TRABD2B: variants seen among roughly 807,000 people sequenced by gnomAD.
The protein encoded by TRABD2B is metalloprotease TIKI2.
TRABD2B carries 14 observed loss-of-function variants against 40.1 expected under a neutral mutation model. That is an observed-to-expected ratio of 0.35 (90% CI 0.23 to 0.55). The LOEUF (loss-of-function observed/expected upper bound fraction) is 0.55, where lower values mean the gene tolerates loss of function less well. Among genes scored for constraint, TRABD2B ranks in the 20% least tolerant of loss-of-function variants. TRABD2B has a pLI of 0.90. For missense variants in TRABD2B, 541 were observed against 648.6 expected (o/e 0.83, Z 1.80); for synonymous variants, 263 against 277.0 (o/e 0.95, Z 0.50).
At chr1:47,878,325 A>C (rs902901601) in intron 2 of TRABD2B, among the ~76,000 whole-genome samples, 4 of 152,132 alleles carry the variant, frequency 2.6e-5, no homozygotes, top group East Asian at 1.9e-4. Flanking sequence ...TGCACCCCCC[A>C]AAAAAAGAAC....
chr1:47,947,273 T>C (rs1395150279), intron 2 of TRABD2B, among the ~76,000 whole-genome samples: 2 of 152,202 alleles, frequency 1.3e-5, no homozygotes, highest in Non-Finnish European at 2.9e-5. Context: ...CTTGTCACTG[T>C]TAATCACTGC....
At chr1:47,945,024 C>T (rs1264452169) in intron 2 of TRABD2B, among the ~76,000 whole-genome samples, 1 of 139,558 alleles carries the variant, frequency 7.2e-6, no homozygotes, top group East Asian at 2.5e-4. Context: ...GATTCTGGAG[C>T]TTAGGAAGGG....
intron 2 of TRABD2B, among the ~76,000 whole-genome samples, chr1:47,940,441 A>G (rs1350012856): frequency 3.3e-5 from 5 of 152,180 alleles, no homozygotes; most frequent in African/African-American, 1.2e-4. Context: ...AATACTTGAG[A>G]AAACTGAGGC....
chr1:47,831,119 G>T (rs1441351894), intron 2 of TRABD2B, among the ~76,000 whole-genome samples: 11 of 152,154 alleles, frequency 7.2e-5, no homozygotes, highest in Admixed American at 7.2e-4. Context: ...ACGTGTGCTG[G>T]TCTCCTATCC....
At chr1:47,906,902 G>A (rs914788677) in intron 2 of TRABD2B, among the ~76,000 whole-genome samples, 1 of 152,198 alleles carries the variant, frequency 6.6e-6, no homozygotes, top group Non-Finnish European at 1.5e-5. Flanking sequence ...TTGTGCTGTC[G>A]GTCCCCCTCC....
At chr1:47,793,756 A>G (rs1344423635) in intron 4 of TRABD2B, among the ~76,000 whole-genome samples, 1 of 152,232 alleles carries the variant, frequency 6.6e-6, no homozygotes, top group Non-Finnish European at 1.5e-5. Flanking sequence ...GTGTAAACAT[A>G]GTGTTACTGG....
At chr1:47,848,974 C>T (rs1645510249) in intron 2 of TRABD2B, among the ~76,000 whole-genome samples, 1 of 152,192 alleles carries the variant, frequency 6.6e-6, no homozygotes, top group African/African-American at 2.4e-5. Flanking sequence ...CATCGGCAAC[C>T]CTTCCTGTCT....
intron 2 of TRABD2B, among the ~76,000 whole-genome samples, chr1:47,868,784 G>A (rs563224340): frequency 2.0e-4 from 31 of 152,270 alleles, no homozygotes; most frequent in African/African-American, 7.2e-4. Context: ...CAGACTAGGG[G>A]GACATCACTC....
intron 2 of TRABD2B, among the ~76,000 whole-genome samples, chr1:47,984,496 C>A (rs1645890141): frequency 6.6e-6 from 1 of 152,254 alleles, no homozygotes; most frequent in Non-Finnish European, 1.5e-5. Flanking sequence ...GTCATGCAAG[C>A]CTCCCGGGGG....
chr1:47,941,334 AC>A (rs1370020535), intron 2 of TRABD2B, among the ~76,000 whole-genome samples: 9 of 152,040 alleles, frequency 5.9e-5, no homozygotes, highest in Non-Finnish European at 8.8e-5. Context: ...ATGTACACAC[AC>A]CCATGCACAC....
chr1:47,956,040 A>T (rs1024356857), intron 2 of TRABD2B, among the ~76,000 whole-genome samples: 1 of 152,208 alleles, frequency 6.6e-6, no homozygotes, highest in Non-Finnish European at 1.5e-5. Flanking sequence ...GCTATTTGCT[A>T]AACTTGCTGC....
chr1:47,904,527 T>C (rs1223153063), intron 2 of TRABD2B, among the ~76,000 whole-genome samples: 1 of 152,156 alleles, frequency 6.6e-6, no homozygotes, highest in Non-Finnish European at 1.5e-5. Context: ...GGAGAAATCA[T>C]GACTGCTAAA....
rs1266142388 is a variant in TRABD2B, at chr1:47,813,811, TTCTC to T, written c.667-12196_667-12193del. On this transcript the variant is annotated intron_variant, in intron 2 of 6. Transcript: ENST00000606738. This position sits in a 1 kb window ranked among gnomAD's most constrained non-coding sequence, Gnocchi z 4.3. ...TCTGCATATGTGGATGAGATTTCCG[TTCTC>T]TCTTCAGTCTTCAGTATGGACTAGT... Among the ~76,000 whole-genome samples the T allele has an allele frequency of 2.0e-5, 3 of 152,198 alleles. No homozygotes were observed. Among genetic ancestry groups the T allele is most frequent in the Non-Finnish European group, 4.4e-5 (3 of 68,030 alleles).
At chr1:47,848,637 C>T (rs1645504654) in intron 2 of TRABD2B, among the ~76,000 whole-genome samples, 1 of 152,156 alleles carries the variant, frequency 6.6e-6, no homozygotes, top group Non-Finnish European at 1.5e-5. Context: ...ATGACACAAA[C>T]GAGGAAACTG....
intron 2 of TRABD2B, among the ~76,000 whole-genome samples, chr1:47,932,973 C>CT (rs1645058837): frequency 6.6e-6 from 1 of 152,186 alleles, no homozygotes; most frequent in Non-Finnish European, 1.5e-5. Flanking sequence ...CAGCAAACCT[C>CT]TTTGAGTCTG....
intron 2 of TRABD2B, among the ~76,000 whole-genome samples, chr1:47,891,763 C>A (rs1329569449): frequency 6.6e-6 from 1 of 152,056 alleles, no homozygotes; most frequent in Non-Finnish European, 1.5e-5. Context: ...GATCATGCCA[C>A]TGCACTCCAG....
chr1:47,776,265 G>A (rs746706410), intron 5 of TRABD2B, among the ~76,000 whole-genome samples: 3 of 152,190 alleles, frequency 2.0e-5, no homozygotes, highest in Admixed American at 6.5e-5. Context: ...AGTAGTCAGA[G>A]CTGGAGGTAG....
At chr1:47,891,028 G>A (rs1047822454) in intron 2 of TRABD2B, among the ~76,000 whole-genome samples, 1 of 132,762 alleles carries the variant, frequency 7.5e-6, no homozygotes, top group African/African-American at 2.6e-5. Context: ...GAGACATAGG[G>A]AACAGTGGCT....
At chr1:47,786,638 T>G (rs1183863743) in intron 4 of TRABD2B, among the ~76,000 whole-genome samples, 1 of 152,342 alleles carries the variant, frequency 6.6e-6, no homozygotes, top group East Asian at 1.9e-4. Context: ...AAGCTCCAGC[T>G]TGGGGAGGGT....
Sources: allele counts gnomAD v4.1 joint callset (sites outside exome capture counted in the v4.1 genomes callset), GRCh38; gene constraint gnomAD v4.1.1; non-coding constraint Gnocchi (gnomAD v3.1); transcripts MANE v1.5; gene names NCBI Gene and HGNC (gene_info 2026-07-23, HGNC 2026-07-21).